Variants in PHF13 observed in about 807,000 individuals in gnomAD.
PHF13 encodes PHD finger protein 13.
A neutral mutation model predicts 25.8 loss-of-function variants in PHF13; 1 was observed. The observed-to-expected ratio is 0.04, with a 90% CI of 0.01 to 0.18. The LOEUF (loss-of-function observed/expected upper bound fraction) is 0.18. PHF13 is among the 10% of genes least tolerant of loss of function. The probability of loss-of-function intolerance (pLI) is 1.00; values close to 1 mark genes in which losing one functional copy is unlikely to be tolerated. For missense variants in PHF13, 306 were observed against 403.2 expected (o/e 0.76, Z 2.06); for synonymous variants, 195 against 162.4 (o/e 1.20, Z -1.53).
In PHF13 at chr1:6,621,732, G is replaced by A. The variant is rs538165495; in HGVS notation, c.*95G>A. 2 of 1,253,760 alleles carry A rather than the reference G, an allele frequency of 1.6e-6. No individual in the cohort carries two copies. Among genetic ancestry groups the A allele is most frequent in the Non-Finnish European group, 1.1e-6 (1 of 880,822 alleles). The allele number at this position is 1,253,760 out of a possible 1,614,324, so 77.7% of individuals were successfully genotyped here. A position where few individuals can be genotyped will look rare whatever the true frequency, so the allele number is the denominator to read the frequency against. On this transcript the variant is annotated 3_prime_UTR_variant, in exon 4 of 4. Transcript: ENST00000377648. The surrounding 1 kb of genome is among the most constrained non-coding windows in gnomAD (Gnocchi z 4.8). The stretch of plus-strand genomic sequence containing the variant: ...GTTGAGCACAGAACCCTCAGCTCTG[G>A]TGCGGGCAGATCCCTGCCATTTAGG...
chr1:6,619,694 GT>G, intron 2 of PHF13, 108 bp from the exon 3 acceptor site: 1 of 1,152,162 alleles, frequency 8.7e-7, no homozygotes, highest in South Asian at 1.5e-5. Context: ...GAAGCTCAAA[GT>G]TGTGCAGATG....
rs1570220418 is a variant in PHF13, at chr1:6,614,178, C to G, written c.39+73C>G. ...ATCCTGCCGTCCTCAGGCAGCCAGA[C>G]CCCCGGTCGCCCGGAGCGCCGCCCT... is the stretch of plus-strand genomic sequence containing the variant. On this transcript the variant is annotated intron_variant, in intron 1 of 3. Coordinates refer to ENST00000377648, the MANE Select transcript of PHF13 (RefSeq NM_153812.3). The G allele has an allele frequency of 2.7e-6, 4 of 1,458,648 alleles. No individual in the cohort carries two copies. In the East Asian group the frequency reaches 7.7e-5, roughly 28 times the overall value. The allele number at this position is 1,458,648 out of a possible 1,614,324, so 90.4% of individuals were successfully genotyped here.
At position 6,620,102 on chromosome 1, in the gene PHF13, C is replaced by T. The variant is rs747011672; in HGVS notation, c.441C>T (p.Pro147=). ...TGCTGAAGCTGGAAGCCGCTGACCC[C>T]TACGTGGAGACCCCCACGAGTCCCA... ...GGLLKLEAAD[P]YVETPTSPTL... The change falls in exon 3 of 4, where the codon CCC becomes CCT. Residue 147 remains proline (P), a synonymous_variant. Transcript: ENST00000377648. The T allele has an allele frequency of 2.5e-6, 4 of 1,613,456 alleles. No homozygotes were observed. Among genetic ancestry groups the T allele is most frequent in the African/African-American group, 2.7e-5 (2 of 74,878 alleles).
chr1:6,619,270 TC>T (rs1008202860), intron 2 of PHF13, among the ~76,000 whole-genome samples: 1 of 152,020 alleles, frequency 6.6e-6, no homozygotes, highest in African/African-American at 2.4e-5. Context: ...GAATTTTCTG[TC>T]TCTAAGATGG....
intron 1 of PHF13, among the ~76,000 whole-genome samples, chr1:6,616,379 A>G (rs1473248342): frequency 6.6e-6 from 1 of 152,212 alleles, no homozygotes; most frequent in South Asian, 2.1e-4. Context: ...CTGCTGCTGC[A>G]GCAGTTCATA....
rs1228620618 is a variant in PHF13, at chr1:6,614,043, C to T, written c.-24C>T. 5 of 1,575,240 alleles carry T rather than the reference C, an allele frequency of 3.2e-6. No homozygotes were observed. The highest frequency in any genetic ancestry group is 4.3e-6 in the Non-Finnish European group (5 of 1,159,458). ...CATCCCAGCTCCTGCACTCTCGCAG[C>T]CGCCGCCGCCCCCCGCCCGGAACAT... On this transcript the variant is annotated 5_prime_UTR_variant, in exon 1 of 4. Coordinates refer to ENST00000377648, the MANE Select transcript of PHF13 (RefSeq NM_153812.3).
In PHF13 at chr1:6,614,444, G is replaced by T. The variant is rs979248005; in HGVS notation, c.39+339G>T. The T allele has an allele frequency of 2.3e-5, 7 of 299,352 alleles. No individual in the cohort carries two copies. In the South Asian group the frequency reaches 2.8e-4, roughly 12 times the overall value. The allele number at this position is 299,352 out of a possible 1,614,324, so 18.5% of individuals were successfully genotyped here. Reference sequence around the variant, plus strand: ...GCCCCCAGCCCCTCCCCGCCGGCCTGCTTACTCTTTCCCCGCCCCCGGGGA... The same window carrying T: ...GCCCCCAGCCCCTCCCCGCCGGCCTTCTTACTCTTTCCCCGCCCCCGGGGA... On this transcript the variant is annotated intron_variant, in intron 1 of 3. Transcript: ENST00000377648.
chr1:6,616,952 A>G, intron 2 of PHF13, 94 bp downstream of exon 2: 1 of 1,073,122 alleles, frequency 9.3e-7, no homozygotes, highest in Non-Finnish European at 1.4e-6. Context: ...TCAGAGGGTC[A>G]GTAGGTTTGG....
Position 6,614,216 on chromosome 1 carries a change from C to T in PHF13, c.39+111C>T, listed in dbSNP as rs1290493350. On this transcript the variant is annotated intron_variant, in intron 1 of 3. Transcript: ENST00000377648. ...GGAGCGCCGCCCTCCCCTTCCCCCG[C>T]TTTCCCCTCGTCGGCCCCCCCGGGA... The T allele has an allele frequency of 5.6e-6, 5 of 887,526 alleles. No individual in the cohort carries two copies. The African/African-American group carries it at 7.0e-5, about 12-fold the overall frequency. The allele number at this position is 887,526 out of a possible 1,614,324, so 55.0% of individuals were successfully genotyped here.
Position 6,621,746 on chromosome 1 carries a change from C to A in PHF13, c.*109C>A. 1 of 1,134,046 alleles carries A rather than the reference C, an allele frequency of 8.8e-7. No individual in the cohort carries two copies. Among genetic ancestry groups the A allele is most frequent in the Non-Finnish European group, 1.3e-6 (1 of 783,524 alleles). The allele number at this position is 1,134,046 out of a possible 1,614,324, so 70.2% of individuals were successfully genotyped here. A position where few individuals can be genotyped will look rare whatever the true frequency, so the allele number is the denominator to read the frequency against. On this transcript the variant is annotated 3_prime_UTR_variant, in exon 4 of 4. Transcript: ENST00000377648. This position sits in a 1 kb window ranked among gnomAD's most constrained non-coding sequence, Gnocchi z 4.8. ...CCTCAGCTCTGGTGCGGGCAGATCC[C>A]TGCCATTTAGGTGCCTAAGCAAAAG...
In PHF13 at chr1:6,622,539, T is replaced by G. The variant is rs1441818707; in HGVS notation, c.*902T>G. 6.6e-6 allele frequency: 1 copy of G among 152,482 alleles called. No homozygotes were observed. The highest frequency in any genetic ancestry group is 1.5e-5 in the Non-Finnish European group (1 of 68,116). 9.4% of individuals were successfully genotyped at this position (152,482 alleles called of 1,614,324 possible). A position where few individuals can be genotyped will look rare whatever the true frequency, so the allele number is the denominator to read the frequency against. ...CTCATTCTGGTAGCAGCATAAAGGTTAGGCAATCACTGGGACCCGCATGGT... is the reference window on the plus strand; with the variant it reads ...CTCATTCTGGTAGCAGCATAAAGGTGAGGCAATCACTGGGACCCGCATGGT... On this transcript the variant is annotated 3_prime_UTR_variant, in exon 4 of 4. Coordinates refer to ENST00000377648, the MANE Select transcript of PHF13 (RefSeq NM_153812.3).
At chr1:6,614,173 C>G in intron 1 of PHF13, 68 bp downstream of exon 1, 1 of 1,504,926 alleles carries the variant, frequency 6.6e-7, no homozygotes, top group South Asian at 1.2e-5. Flanking sequence ...CCTCAGGCAG[C>G]CAGACCCCCG....
At position 6,623,157 on chromosome 1, in the gene PHF13, CCTT is replaced by C. The variant is rs1005387117; in HGVS notation, c.*1523_*1525del. On this transcript the variant is annotated 3_prime_UTR_variant, in exon 4 of 4. Transcript: ENST00000377648. Reference sequence around the variant, plus strand: ...CAGGCCACCAGGCAGACTCTTCCCACCTTCTCCCACTGAAGCACCAAGGGGCTT... The same window carrying C: ...CAGGCCACCAGGCAGACTCTTCCCACCTCCCACTGAAGCACCAAGGGGCTT... 2 of 152,266 alleles carry C rather than the reference CCTT, an allele frequency of 1.3e-5. No homozygotes were observed. Among genetic ancestry groups the C allele is most frequent in the African/African-American group, 2.4e-5 (1 of 41,468 alleles). 9.4% of individuals were successfully genotyped at this position (152,266 alleles called of 1,614,324 possible).
rs2148710941 is a variant in PHF13, at chr1:6,621,324, A to T, written c.677-87A>T. The T allele has an allele frequency of 7.2e-7, 1 of 1,384,084 alleles. No homozygotes were observed. The allele number at this position is 1,384,084 out of a possible 1,614,324, so 85.7% of individuals were successfully genotyped here. ...GGCAGTTGGAAGTGTTCTCGTCAGT[A>T]GAGTTAATGGGTTTCATGGAAGCCC... On this transcript the variant is annotated intron_variant, in intron 3 of 3. Transcript: ENST00000377648. This position sits in a 1 kb window ranked among gnomAD's most constrained non-coding sequence, Gnocchi z 4.8.
intron 1 of PHF13, among the ~76,000 whole-genome samples, chr1:6,616,486 G>A (rs1402616229): frequency 6.6e-6 from 1 of 152,202 alleles, no homozygotes; most frequent in East Asian, 1.9e-4. Flanking sequence ...TGCCACATGA[G>A]CACTAAGAAA....
chr1:6,618,940 C>T (rs1641300658), intron 2 of PHF13, among the ~76,000 whole-genome samples: 1 of 152,164 alleles, frequency 6.6e-6, no homozygotes, highest in Non-Finnish European at 1.5e-5. Context: ...AGCCCCCGCA[C>T]CCAGCCTAAT....
intron 1 of PHF13, among the ~76,000 whole-genome samples, chr1:6,616,025 ATTTTTTTT>A (rs5772244): frequency 2.4e-4 from 22 of 91,772 alleles, no homozygotes; most frequent in African/African-American, 9.3e-4. Flanking sequence ...TGAGTGGTTG[ATTTTTTTT>A]TTTTTTTTTT....
chr1:6,623,575 G>A lies in PHF13; in HGVS notation c.*1938G>A, dbSNP rs184614620. The A allele has an allele frequency of 7.2e-5, 11 of 152,692 alleles. No homozygotes were observed. Among genetic ancestry groups the A allele is most frequent in the Admixed American group, 6.5e-4 (10 of 15,282 alleles). 9.5% of individuals were successfully genotyped at this position (152,692 alleles called of 1,614,324 possible). On this transcript the variant is annotated 3_prime_UTR_variant, in exon 4 of 4. Transcript: ENST00000377648. ...CATGTGACTTTAGAATGGAACTGCC[G>A]GCCCTGGCAACTGTCACGTGTGCTA...
In PHF13 at chr1:6,613,878, G is replaced by A. The variant is rs545370990; in HGVS notation, c.-189G>A. ...GCATCGTCCACTCCGGTCGGCGGTG[G>A]AACCGCCAGTCCGGGGTCACAGAGC... On this transcript the variant is annotated 5_prime_UTR_variant, in exon 1 of 4. Transcript: ENST00000377648. 1 of 512,342 alleles carries A rather than the reference G, an allele frequency of 2.0e-6. No individual in the cohort carries two copies. Among genetic ancestry groups the A allele is most frequent in the Non-Finnish European group, 3.4e-6 (1 of 293,118 alleles). 31.7% of individuals were successfully genotyped at this position (512,342 alleles called of 1,614,324 possible). A position where few individuals can be genotyped will look rare whatever the true frequency, so the allele number is the denominator to read the frequency against.
Sources: allele counts gnomAD v4.1 joint callset (sites outside exome capture counted in the v4.1 genomes callset), GRCh38; gene constraint gnomAD v4.1.1; non-coding constraint Gnocchi (gnomAD v3.1); transcripts MANE v1.5; gene names NCBI Gene and HGNC (gene_info 2026-07-23, HGNC 2026-07-21).